PCDHGA4: variants seen among roughly 807,000 people sequenced by gnomAD.
PCDHGA4 encodes protocadherin gamma subfamily A, 4, also known as protocadherin gamma-A4.
Under a neutral mutation model 54.6 loss-of-function variants are expected in PCDHGA4, and 38 were observed. The observed-to-expected ratio is 0.70, with a 90% CI of 0.54 to 0.91. The LOEUF (loss-of-function observed/expected upper bound fraction) is 0.91. Among genes scored for constraint, PCDHGA4 ranks in the 40% least tolerant of loss-of-function variants. The probability of loss-of-function intolerance (pLI) is 0.00; values close to 1 mark genes in which losing one functional copy is unlikely to be tolerated. For missense variants in PCDHGA4, 1,298 were observed against 1,220.9 expected, an observed-to-expected ratio of 1.06 and a Z score of -0.94; for synonymous variants, 511 against 512.9, an observed-to-expected ratio of 1.00 and a Z score of 0.05.
Position 141,355,668 on chromosome 5 carries a change from A to G in PCDHGA4, c.561A>G (p.Glu187=). 3 of 1,614,018 alleles carry G rather than the reference A, an allele frequency of 1.9e-6. No individual in the cohort carries two copies. Among genetic ancestry groups the G allele is most frequent in the Non-Finnish European group, 2.5e-6 (3 of 1,179,892 alleles). The change falls in exon 1 of 4, where the codon GAA becomes GAG. Residue 187 remains glutamate, a synonymous_variant. Coordinates refer to ENST00000571252, the MANE Select transcript of PCDHGA4 (RefSeq NM_018917.4). ...CTGGGGCAAGATTTCCTCTTCCTGAAGCTTTTGATCCGGATGTAGGTGTAA... is the reference window on the plus strand; with the variant it reads ...CTGGGGCAAGATTTCCTCTTCCTGAGGCTTTTGATCCGGATGTAGGTGTAA... ...ENPGARFPLP[E]AFDPDVGVNS...
intron 1 of PCDHGA4, chr5:141,408,336 C>T: frequency 6.2e-7 from 1 of 1,613,910 alleles, no homozygotes; most frequent in Non-Finnish European, 8.5e-7. Flanking sequence ...GCCAAGGGCT[C>T]GGTGGTGGGG....
intron 1 of PCDHGA4, chr5:141,423,754 G>C: frequency 1.7e-6 from 1 of 577,836 alleles, no homozygotes. Flanking sequence ...ACTGTTTGGG[G>C]GGGGGGTGGG....
intron 1 of PCDHGA4, chr5:141,478,865 T>G: frequency 7.5e-7 from 1 of 1,326,190 alleles, no homozygotes; most frequent in Non-Finnish European, 1.0e-6. Context: ...ATCTCAGCGA[T>G]CAGAGTTTAG....
chr5:141,366,040 C>G (rs752624619), intron 1 of PCDHGA4: 1 of 1,614,264 alleles, frequency 6.2e-7, no homozygotes, highest in Non-Finnish European at 8.5e-7. Context: ...TCCCCACAGA[C>G]GGTTCCACGG....
chr5:141,366,550 T>C (rs780049739), intron 1 of PCDHGA4: 5 of 1,614,136 alleles, frequency 3.1e-6, no homozygotes, highest in African/African-American at 2.7e-5. Flanking sequence ...CCTCGCACTT[T>C]GTGGGCGTGG....
rs754836894 is a variant in PCDHGA4, at chr5:141,432,969, C to A, written c.2515-61838C>A. 6.2e-7 allele frequency: 1 copy of A among 1,614,148 alleles called. No individual in the cohort carries two copies. Among genetic ancestry groups the A allele is most frequent in the East Asian group, 2.2e-5 (1 of 44,852 alleles). ...GGAGGCGGCTTGACAGGAGCGCCGG[C>A]GTCGCACTTTGTGGGCGTGGACGGG... is the stretch of plus-strand genomic sequence containing the variant. On this transcript the variant is annotated intron_variant, in intron 1 of 3. Coordinates refer to ENST00000571252, the MANE Select transcript of PCDHGA4 (RefSeq NM_018917.4). This position sits in a 1 kb window ranked among gnomAD's most constrained non-coding sequence, Gnocchi z 6.0.
chr5:141,389,836 C>T (rs1471068729), intron 1 of PCDHGA4: 2 of 1,613,874 alleles, frequency 1.2e-6, no homozygotes, highest in Non-Finnish European at 1.7e-6. Context: ...GGACAGCCAC[C>T]ACTCTCGGCC....
In PCDHGA4 at chr5:141,486,047, C is replaced by T. The variant is rs763394605; in HGVS notation, c.2515-8760C>T. Reference sequence around the variant, plus strand: ...TCATACCCCTGATCGTGTAAGAAACCTCTTTAGCCTGCACCCCACTACTGG... The same window carrying T: ...TCATACCCCTGATCGTGTAAGAAACTTCTTTAGCCTGCACCCCACTACTGG... On this transcript the variant is annotated intron_variant, in intron 1 of 3. Transcript: ENST00000571252. The surrounding 1 kb of genome is among the most constrained non-coding windows in gnomAD (Gnocchi z 5.0). 2.5e-6 allele frequency: 4 copies of T among 1,614,054 alleles called. No individual in the cohort carries two copies. The African/African-American group carries it at 5.3e-5, about 22-fold the overall frequency.
intron 1 of PCDHGA4, among the ~76,000 whole-genome samples, chr5:141,379,919 T>G (rs930949901): frequency 6.2e-5 from 7 of 113,224 alleles, no homozygotes; most frequent in Non-Finnish European, 1.2e-4. Flanking sequence ...TTTTTTTTTT[T>G]GTCAGAGTCT....
intron 1 of PCDHGA4, chr5:141,387,572 T>C (rs369703788): frequency 1.9e-4 from 92 of 480,688 alleles, no homozygotes; most frequent in Non-Finnish European, 2.3e-4. Flanking sequence ...CAATTATAAT[T>C]ATTGCACTGG....
At chr5:141,403,350 TC>T in intron 1 of PCDHGA4, 2 of 1,613,994 alleles carry the variant, frequency 1.2e-6, no homozygotes, top group Non-Finnish European at 1.7e-6. Flanking sequence ...GCCCCAAAGT[TC>T]CAGGCCGAAA....
At chr5:141,492,705 C>T (rs2099743225) in intron 1 of PCDHGA4, among the ~76,000 whole-genome samples, 1 of 152,258 alleles carries the variant, frequency 6.6e-6, no homozygotes, top group South Asian at 2.1e-4. Flanking sequence ...ACCCAGAAGC[C>T]TCGAGCAGGC....
chr5:141,506,577 A>G (rs2099855057), intron 3 of PCDHGA4, among the ~76,000 whole-genome samples: 1 of 152,162 alleles, frequency 6.6e-6, no homozygotes, highest in South Asian at 2.1e-4. Flanking sequence ...TTCACTTACT[A>G]TTAATGGGCA....
At position 141,505,908 on chromosome 5, in the gene PCDHGA4, T is replaced by C. The variant is rs114551975; in HGVS notation, c.2662+427T>C. On this transcript the variant is annotated intron_variant, in intron 3 of 3. Coordinates refer to ENST00000571252, the MANE Select transcript of PCDHGA4 (RefSeq NM_018917.4). ...TTAAATGAGATGATACCACAAAGCATAGAGTTCTGGGCCTGGCGCTTGGAA... is the reference window on the plus strand; with the variant it reads ...TTAAATGAGATGATACCACAAAGCACAGAGTTCTGGGCCTGGCGCTTGGAA... 4.0e-3 allele frequency among the ~76,000 whole-genome samples: 608 copies of C among 152,218 alleles called. 3 individuals are homozygous for C. The highest frequency in any genetic ancestry group is 0.013 in the African/African-American group (551 of 41,540).
intron 1 of PCDHGA4, chr5:141,398,685 G>T: frequency 6.2e-7 from 1 of 1,613,966 alleles, no homozygotes; most frequent in Non-Finnish European, 8.5e-7. Flanking sequence ...AGGAGAAACA[G>T]GATGGTAGTA....
chr5:141,440,181 G>A (rs1419736461), intron 1 of PCDHGA4: 7 of 152,312 alleles, frequency 4.6e-5, no homozygotes, highest in Non-Finnish European at 8.8e-5. Context: ...CTTTGAAATA[G>A]TTGAAGGCCA....
Position 141,393,949 on chromosome 5 carries a change from A to G in PCDHGA4, c.2514+36328A>G, listed in dbSNP as rs370166968. 2.5e-6 allele frequency: 4 copies of G among 1,613,874 alleles called. No individual in the cohort carries two copies. The highest frequency in any genetic ancestry group is 3.4e-6 in the Non-Finnish European group (4 of 1,179,890). Reference sequence around the variant, plus strand: ...GTGCATGACCAAGACTCTGGAAAGAATGGTCAAGTTGTCTGTTACACACGT... The same window carrying G: ...GTGCATGACCAAGACTCTGGAAAGAGTGGTCAAGTTGTCTGTTACACACGT... On this transcript the variant is annotated intron_variant, in intron 1 of 3. Coordinates refer to ENST00000571252, the MANE Select transcript of PCDHGA4 (RefSeq NM_018917.4).
chr5:141,359,484 C>A (rs1229655985), intron 1 of PCDHGA4, among the ~76,000 whole-genome samples: 1 of 150,418 alleles, frequency 6.6e-6, no homozygotes, highest in Non-Finnish European at 1.5e-5. Flanking sequence ...GTTGTATATT[C>A]ATATTACGGA....
intron 1 of PCDHGA4, among the ~76,000 whole-genome samples, chr5:141,445,417 A>C (rs1483224509): frequency 6.6e-6 from 1 of 152,208 alleles, no homozygotes; most frequent in Non-Finnish European, 1.5e-5. Context: ...ACTGTCTGCT[A>C]TATGCAAGGC....
Sources: allele counts gnomAD v4.1 joint callset (sites outside exome capture counted in the v4.1 genomes callset), GRCh38; gene constraint gnomAD v4.1.1; non-coding constraint Gnocchi (gnomAD v3.1); transcripts MANE v1.5; gene names NCBI Gene and HGNC (gene_info 2026-07-23, HGNC 2026-07-21).